Variants in HPSE2 observed in about 807,000 individuals in gnomAD.
The protein encoded by HPSE2 is heparanase 2 (inactive).
Under a neutral mutation model 60.5 loss-of-function variants are expected in HPSE2, and 38 were observed. The observed-to-expected ratio is 0.63, with a 90% CI of 0.48 to 0.82. The LOEUF is 0.82. Ranked by LOEUF, HPSE2 falls within the 40% of genes least tolerant of loss-of-function variation. The probability of loss-of-function intolerance (pLI) is 0.00; values close to 1 mark genes in which losing one functional copy is unlikely to be tolerated. For missense variants in HPSE2, 713 were observed against 740.4 expected (o/e 0.96, Z 0.43); for synonymous variants, 295 against 293.2 (o/e 1.01, Z -0.06).
intron 2 of HPSE2, among the ~76,000 whole-genome samples, chr10:99,189,019 A>T (rs1317886955): frequency 6.6e-6 from 1 of 152,248 alleles, no homozygotes; most frequent in African/African-American, 2.4e-5. Context: ...ACCAAGGCAA[A>T]CCAAACTGTG....
chr10:98,824,886 C>T (rs1392140112), intron 3 of HPSE2, among the ~76,000 whole-genome samples: 1 of 152,180 alleles, frequency 6.6e-6, no homozygotes, highest in Non-Finnish European at 1.5e-5. Flanking sequence ...CTTATTTCCC[C>T]ATCTTCCTCA....
chr10:99,036,291 A>C (rs566352580), intron 3 of HPSE2, among the ~76,000 whole-genome samples: 52 of 152,242 alleles, frequency 3.4e-4, no homozygotes, highest in African/African-American at 1.2e-3. Context: ...CTTTAGAGAA[A>C]TAGTTAATTC....
At chr10:99,242,319 T>C in the HPSE2 span, among the ~76,000 whole-genome samples, 1 of 152,344 alleles carries the variant, frequency 6.6e-6, no homozygotes, top group East Asian at 1.9e-4. Context: ...TTGCCTTTCA[T>C]GTGTTCAATG....
the HPSE2 span, among the ~76,000 whole-genome samples, chr10:99,291,411 C>T: frequency 6.6e-6 from 1 of 152,060 alleles, no homozygotes. Context: ...TGATGAAACC[C>T]CATCTCTACT....
At chr10:98,577,140 G>T (rs1944663295) in intron 9 of HPSE2, among the ~76,000 whole-genome samples, 1 of 151,836 alleles carries the variant, frequency 6.6e-6, no homozygotes, top group Non-Finnish European at 1.5e-5. Flanking sequence ...AGTTATCCAT[G>T]ATACCCACCG....
At chr10:98,884,553 G>A (rs140157724) in intron 3 of HPSE2, among the ~76,000 whole-genome samples, 123 of 152,192 alleles carry the variant, frequency 8.1e-4, no homozygotes, top group Non-Finnish European at 1.6e-3. Context: ...GGTTCTCTAA[G>A]ATTTATGCAA....
chr10:98,588,424 G>A (rs1055369836), intron 9 of HPSE2, among the ~76,000 whole-genome samples: 1 of 152,076 alleles, frequency 6.6e-6, no homozygotes, highest in Non-Finnish European at 1.5e-5. Flanking sequence ...CCAACCTAGG[G>A]CAGCTACAGT....
chr10:98,950,147 A>T (rs1564683823), intron 3 of HPSE2, among the ~76,000 whole-genome samples: 1 of 152,148 alleles, frequency 6.6e-6, no homozygotes, highest in South Asian at 2.1e-4. Context: ...AGCTTGCTTC[A>T]TCAGAACAAG....
At chr10:98,870,166 G>A (rs528541374) in intron 3 of HPSE2, among the ~76,000 whole-genome samples, 5 of 152,108 alleles carry the variant, frequency 3.3e-5, no homozygotes, top group Non-Finnish European at 7.4e-5. Flanking sequence ...GGTTAATTGT[G>A]AACTCTAACA....
chr10:99,200,836 C>T (rs1848551585), intron 2 of HPSE2, among the ~76,000 whole-genome samples: 1 of 152,122 alleles, frequency 6.6e-6, no homozygotes, highest in Non-Finnish European at 1.5e-5. Flanking sequence ...TCATATGTAT[C>T]TGTCACACTG....
At chr10:98,899,182 G>A (rs1395124810) in intron 3 of HPSE2, among the ~76,000 whole-genome samples, 2 of 152,146 alleles carry the variant, frequency 1.3e-5, no homozygotes, top group Non-Finnish European at 2.9e-5. Context: ...AATTGCAAAC[G>A]ACATGTAAAC....
chr10:99,300,729 A>G, the HPSE2 span, among the ~76,000 whole-genome samples: 4 of 152,120 alleles, frequency 2.6e-5, no homozygotes, highest in African/African-American at 9.7e-5. Context: ...TCCGTCACAT[A>G]TTGTTTCTCA....
chr10:99,248,533 T>C, the HPSE2 span, among the ~76,000 whole-genome samples: 1 of 152,206 alleles, frequency 6.6e-6, no homozygotes, highest in Non-Finnish European at 1.5e-5. Flanking sequence ...CTGGAACTTA[T>C]ATTTAAAAGG....
intron 3 of HPSE2, among the ~76,000 whole-genome samples, chr10:98,939,573 T>C (rs1954924510): frequency 7.0e-6 from 1 of 143,398 alleles, no homozygotes; most frequent in African/African-American, 2.9e-5. Flanking sequence ...AGCACCCAGA[T>C]TCATGAAGCA....
At chr10:99,150,186 CAT>C (rs1245520831) in intron 2 of HPSE2, among the ~76,000 whole-genome samples, 1 of 152,174 alleles carries the variant, frequency 6.6e-6, no homozygotes, top group Non-Finnish European at 1.5e-5. Flanking sequence ...TATTTCTGGA[CAT>C]CTAGGTATAA....
intron 3 of HPSE2, among the ~76,000 whole-genome samples, chr10:98,960,551 T>C (rs1166690148): frequency 1.3e-5 from 2 of 151,956 alleles, no homozygotes; most frequent in Non-Finnish European, 2.9e-5. Flanking sequence ...CTAATTATTA[T>C]ACAACCTGAA....
At chr10:99,040,602 G>A (rs768895373) in intron 3 of HPSE2, among the ~76,000 whole-genome samples, 9 of 151,426 alleles carry the variant, frequency 5.9e-5, no homozygotes, top group Admixed American at 2.0e-4. Flanking sequence ...CAAATCTGCC[G>A]CTCATTTATG....
At chr10:98,615,151 G>A in intron 8 of HPSE2, 133 bp from the exon 9 acceptor site, 2 of 683,434 alleles carry the variant, frequency 2.9e-6, no homozygotes, top group South Asian at 3.2e-5. Context: ...CTTTAAAAAG[G>A]GTTATTTTAA....
chr10:98,769,827 C>T (rs1950203612), intron 3 of HPSE2, among the ~76,000 whole-genome samples: 2 of 152,138 alleles, frequency 1.3e-5, no homozygotes, highest in African/African-American at 4.8e-5. Flanking sequence ...TTGGACACCA[C>T]CAGCAGACTA....
Sources: gnomAD v4.1 joint callset for allele counts (sites outside exome capture counted in the v4.1 genomes callset) on GRCh38, gnomAD v4.1.1 for gene constraint, MANE v1.5 for transcripts, NCBI Gene and HGNC (gene_info 2026-07-23, HGNC 2026-07-21) for gene names.